Variants in MALRD1 observed in about 807,000 individuals in gnomAD.
The protein encoded by MALRD1 is MAM and LDL-receptor class A domain-containing protein 1.
MALRD1 carries 247 observed loss-of-function variants against 242.1 expected under a neutral mutation model. The observed-to-expected ratio is 1.02, with a 90% CI of 0.92 to 1.13. The LOEUF is 1.13. MALRD1 is among the 50% of genes most tolerant of loss of function. MALRD1 has a pLI of 0.00. For missense variants in MALRD1, 2,989 were observed against 2,533.1 expected (o/e 1.18, Z -3.86); for synonymous variants, 995 against 866.6 (o/e 1.15, Z -2.60).
chr10:19,241,975 G>A (rs1332253415), intron 18 of MALRD1, among the ~76,000 whole-genome samples: 1 of 152,118 alleles, frequency 6.6e-6, no homozygotes, highest in African/African-American at 2.4e-5. Flanking sequence ...GTGTCATAAT[G>A]TATGATTGGT....
At chr10:19,315,261 TAAATATAATTTATAG>T (rs1842617846) in intron 21 of MALRD1, among the ~76,000 whole-genome samples, 2 of 47,854 alleles carry the variant, frequency 4.2e-5, no homozygotes, top group African/African-American at 1.9e-4. Flanking sequence ...TATAAATATA[TAAATATAATTTATAG>T]AAATATAATT....
intron 34 of MALRD1, among the ~76,000 whole-genome samples, chr10:19,599,408 A>G (rs995222761): frequency 5.3e-5 from 8 of 152,166 alleles, no homozygotes; most frequent in Non-Finnish European, 1.2e-4. Flanking sequence ...GAAGCAATAT[A>G]GTTTTTATCA....
At chr10:19,198,037 T>C (rs1564460163) in intron 14 of MALRD1, among the ~76,000 whole-genome samples, 1 of 152,214 alleles carries the variant, frequency 6.6e-6, no homozygotes, top group Non-Finnish European at 1.5e-5. Context: ...AGCTTTCTTT[T>C]TTTCTTTTTT....
rs149660375 is a variant in MALRD1, at chr10:19,114,438, A to T, written c.695-9054A>T. Among the ~76,000 whole-genome samples, 490 of 152,234 alleles carry T rather than the reference A, an allele frequency of 3.2e-3. 2 individuals are homozygous for T. The highest frequency in any genetic ancestry group is 0.011 in the African/African-American group (474 of 41,540). On this transcript the variant is annotated intron_variant, in intron 5 of 39. Transcript: ENST00000454679. The stretch of plus-strand genomic sequence containing the variant: ...GATCACTTGAGGTCAGGAGTTCGAG[A>T]CCAGCCTGGCCAACATGGTGAAACC...
At chr10:19,047,887 C>T (rs1229451404), upstream of MALRD1, among the ~76,000 whole-genome samples, 1 of 152,116 alleles carries the variant, frequency 6.6e-6, no homozygotes. Context: ...TTATTTTTGC[C>T]TCTTGCGGTT....
chr10:19,535,179 C>T lies in MALRD1; in HGVS notation c.5478+3828C>T, dbSNP rs60112939. Among the ~76,000 whole-genome samples the T allele has an allele frequency of 5.4e-3, 819 of 152,124 alleles. 20 individuals carry two copies. The East Asian group carries it at 0.082, about 15-fold the overall frequency. ...GATTACAGGCGTGAGCCACTGCGCC[C>T]GACCAAAGTTTTTTTTTATCTCAAT... On this transcript the variant is annotated intron_variant, in intron 32 of 39. Coordinates refer to ENST00000454679, the MANE Select transcript of MALRD1 (RefSeq NM_001142308.3).
intron 28 of MALRD1, among the ~76,000 whole-genome samples, chr10:19,447,776 C>A (rs1267142184): frequency 2.0e-5 from 3 of 152,074 alleles, no homozygotes; most frequent in Non-Finnish European, 4.4e-5. Context: ...ATTAACCATC[C>A]CTTTGATTTC....
intron 5 of MALRD1, among the ~76,000 whole-genome samples, chr10:19,113,130 C>G (rs1836738676): frequency 6.6e-6 from 1 of 151,982 alleles, no homozygotes; most frequent in African/African-American, 2.4e-5. Flanking sequence ...ATGTATTCTA[C>G]TCAACAATCT....
chr10:19,398,579 A>G (rs1846689994), intron 28 of MALRD1, among the ~76,000 whole-genome samples: 1 of 152,188 alleles, frequency 6.6e-6, no homozygotes, highest in Non-Finnish European at 1.5e-5. Flanking sequence ...TGTATTCACA[A>G]TTTGAAGAAA....
chr10:19,563,848 G>A (rs1191918941), intron 32 of MALRD1, among the ~76,000 whole-genome samples: 1 of 152,158 alleles, frequency 6.6e-6, no homozygotes, highest in African/African-American at 2.4e-5. Flanking sequence ...GTTGGAGGTG[G>A]GGCCTGGTGG....
chr10:19,257,632 C>A, intron 18 of MALRD1, 52 bp from the exon 19 acceptor site: 1 of 1,308,554 alleles, frequency 7.6e-7, no homozygotes, highest in South Asian at 1.4e-5. Flanking sequence ...ACTTAATTTC[C>A]TTTACCACAT....
chr10:19,370,066 T>C (rs976079397), intron 26 of MALRD1, among the ~76,000 whole-genome samples: 4 of 152,166 alleles, frequency 2.6e-5, no homozygotes, highest in Non-Finnish European at 2.9e-5. Flanking sequence ...TGATTCATCA[T>C]GAATTAATGT....
intron 36 of MALRD1, among the ~76,000 whole-genome samples, chr10:19,633,185 C>G (rs1008798680): frequency 5.3e-5 from 8 of 151,936 alleles, no homozygotes; most frequent in Non-Finnish European, 1.0e-4. Context: ...GAGCCAAGAT[C>G]GTGACACTGC....
At chr10:19,632,958 A>G (rs1839971494) in intron 36 of MALRD1, among the ~76,000 whole-genome samples, 1 of 152,054 alleles carries the variant, frequency 6.6e-6, no homozygotes, top group African/African-American at 2.4e-5. Context: ...TGGGCCAGGC[A>G]CGGTGGCTCA....
intron 32 of MALRD1, among the ~76,000 whole-genome samples, chr10:19,540,418 C>G (rs998368596): frequency 2.6e-5 from 4 of 152,024 alleles, no homozygotes; most frequent in Admixed American, 6.6e-5. Context: ...ATACATCACT[C>G]AACAATGATT....
At chr10:19,693,797 G>C (rs1329312063) in intron 38 of MALRD1, among the ~76,000 whole-genome samples, 5 of 152,154 alleles carry the variant, frequency 3.3e-5, no homozygotes, top group African/African-American at 1.2e-4. Context: ...AACAAAGCTG[G>C]AGGCATCACG....
At chr10:19,423,527 C>T (rs182777416) in intron 28 of MALRD1, among the ~76,000 whole-genome samples, 244 of 151,730 alleles carry the variant, frequency 1.6e-3, no homozygotes, top group Non-Finnish European at 2.8e-3. Context: ...AAACAAAATA[C>T]ATTAAGCCGT....
intron 29 of MALRD1, among the ~76,000 whole-genome samples, chr10:19,481,144 G>A (rs1357546695): frequency 1.3e-5 from 2 of 152,064 alleles, no homozygotes; most frequent in African/African-American, 2.4e-5. Context: ...CCTTGCCTCT[G>A]TGTATTGCCA....
intron 29 of MALRD1, among the ~76,000 whole-genome samples, chr10:19,471,162 T>C (rs1836471451): frequency 6.6e-6 from 1 of 151,964 alleles, no homozygotes; most frequent in South Asian, 2.1e-4. Context: ...TATTCAGTTT[T>C]CCCAGTACCA....
Sources: allele counts gnomAD v4.1 joint callset (sites outside exome capture counted in the v4.1 genomes callset), GRCh38; gene constraint gnomAD v4.1.1; transcripts MANE v1.5; gene names NCBI Gene and HGNC (gene_info 2026-07-23, HGNC 2026-07-21).